The following ME3 variants were observed in gnomAD, a reference collection of about 807,000 sequenced individuals.
ME3 encodes the protein malic enzyme 3, also known as NADP-dependent malic enzyme, mitochondrial.
Under a neutral mutation model 68.9 loss-of-function variants are expected in ME3, and 48 were observed. That is an observed-to-expected ratio of 0.70 (90% confidence interval 0.55 to 0.89). ME3 has a LOEUF of 0.89. Among genes scored for constraint, ME3 ranks in the 40% least tolerant of loss-of-function variants. The pLI, the probability that ME3 is intolerant of heterozygous loss-of-function variation, is 0.00. For synonymous variants in ME3, 320 were observed against 318.8 expected, an observed-to-expected ratio of 1.00 and a Z score of -0.04; for missense variants, 675 against 797.4, an observed-to-expected ratio of 0.85 and a Z score of 1.85.
At chr11:86,600,923 T>C (rs1960531314) in intron 2 of ME3, among the ~76,000 whole-genome samples, 3 of 150,138 alleles carry the variant, frequency 2.0e-5, no homozygotes, top group Admixed American at 6.6e-5. Context: ...AGACACAACA[T>C]ACCAGAATCT....
Position 86,509,010 on chromosome 11 carries a change from T to C in ME3, c.468-143A>G, listed in dbSNP as rs773304752. 9.4e-5 allele frequency: 62 copies of C among 660,986 alleles called. No homozygotes were observed. In the Middle Eastern group the frequency reaches 1.0e-3, roughly 11 times the overall value. The allele number at this position is 660,986 out of a possible 1,614,324, so 40.9% of individuals were successfully genotyped here. Reference sequence around the variant, plus strand: ...AGATTCCTGCCCGAGGCCCCAGCAGTTTAGAGGGTCATCCTCTGGCTTTCT... The same window carrying C: ...AGATTCCTGCCCGAGGCCCCAGCAGCTTAGAGGGTCATCCTCTGGCTTTCT... On this transcript the variant is annotated intron_variant, in intron 4 of 14. Coordinates refer to ENST00000543262, the Ensembl canonical transcript of ME3.
chr11:86,659,784 G>A (rs1365405692), intron 2 of ME3, among the ~76,000 whole-genome samples: 1 of 152,132 alleles, frequency 6.6e-6, no homozygotes, highest in Non-Finnish European at 1.5e-5. Flanking sequence ...CTCACTATCA[G>A]AATCTCATGA....
At chr11:86,475,872 T>TAGAGAGAGAGAG (rs1317802075) in intron 7 of ME3, among the ~76,000 whole-genome samples, 40 of 103,718 alleles carry the variant, frequency 3.9e-4, no homozygotes, top group Non-Finnish European at 6.3e-4. Context: ...TATATATATA[T>TAGAGAGAGAGAG]ATAGAGAGAG....
chr11:86,465,052 T>C (rs1950409277), intron 8 of ME3, 39 bp downstream of exon 8: 1 of 1,496,896 alleles, frequency 6.7e-7, no homozygotes, highest in Admixed American at 1.7e-5. Flanking sequence ...GAATATAAGT[T>C]AGTCCCCTGT....
intron 4 of ME3, among the ~76,000 whole-genome samples, chr11:86,536,161 A>C (rs531094365): frequency 6.6e-6 from 1 of 152,344 alleles, no homozygotes; most frequent in East Asian, 1.9e-4. Context: ...GGCACTTGGC[A>C]GCATTGTATT....
rs925368086 is a variant in ME3, at chr11:86,600,607, A to G, written c.184-40784T>C. Among the ~76,000 whole-genome samples the G allele has an allele frequency of 1.9e-3, 284 of 151,646 alleles. 2 individuals carry two copies. The highest frequency in any genetic ancestry group is 6.8e-3 in the Middle Eastern group (2 of 294). On this transcript the variant is annotated intron_variant, in intron 2 of 14. Coordinates refer to ENST00000543262, the Ensembl canonical transcript of ME3. ...CAGCTCTGCACCAAGCGGACCTAATAGACATCTACAGAACTCTCCACCCCA... is the reference window on the plus strand; with the variant it reads ...CAGCTCTGCACCAAGCGGACCTAATGGACATCTACAGAACTCTCCACCCCA...
At chr11:86,565,813 T>C (rs1316568787) in intron 2 of ME3, among the ~76,000 whole-genome samples, 2 of 152,222 alleles carry the variant, frequency 1.3e-5, no homozygotes, top group Non-Finnish European at 2.9e-5. Context: ...CATTTTCTAG[T>C]TTGAATGCTG....
chr11:86,626,874 A>G (rs1943697905), intron 2 of ME3, among the ~76,000 whole-genome samples: 1 of 152,152 alleles, frequency 6.6e-6, no homozygotes, highest in South Asian at 2.1e-4. Flanking sequence ...CATTCATTAT[A>G]TTATATCCCC....
chr11:86,660,286 G>A (rs1946189690), intron 2 of ME3, among the ~76,000 whole-genome samples: 1 of 152,270 alleles, frequency 6.6e-6, no homozygotes. Context: ...ATGCTTTCAG[G>A]GGGCATGTAC....
At chr11:86,637,349 C>CAAAAAAAAAAAAAAAAAAAAAAAAAAAAA (rs11402713) in intron 2 of ME3, among the ~76,000 whole-genome samples, 1 of 122,070 alleles carries the variant, frequency 8.2e-6, no homozygotes, top group Non-Finnish European at 1.7e-5. Context: ...ACAAGAAGCA[C>CAAAAAAAAAAAAAAAAAAAAAAAAAAAAA]AAAAAAAAAA....
chr11:86,592,858 G>A (rs779466437), intron 2 of ME3, among the ~76,000 whole-genome samples: 7 of 152,096 alleles, frequency 4.6e-5, no homozygotes, highest in Non-Finnish European at 8.8e-5. Context: ...TTCAGAAAGG[G>A]GCACAGTGAT....
At chr11:86,486,233 C>T (rs1951680061) in intron 7 of ME3, among the ~76,000 whole-genome samples, 1 of 152,196 alleles carries the variant, frequency 6.6e-6, no homozygotes, top group Non-Finnish European at 1.5e-5. Flanking sequence ...TCCCCCCATC[C>T]TACAGTCCAT....
chr11:86,457,571 G>A (rs969548420), intron 8 of ME3: 1 of 1,173,480 alleles, frequency 8.5e-7, no homozygotes. Context: ...GGCAAATAAA[G>A]TTATCTCCAT....
chr11:86,508,795 A>G lies in ME3; in HGVS notation c.540T>C (p.Ile180=), dbSNP rs758495453. Reference sequence around the variant, plus strand: ...AGCAATGAAAACGGGATCATACCTTAATATTGTCTTCTGGCCAAGAATTCA... The same window carrying G: ...AGCAATGAAAACGGGATCATACCTTGATATTGTCTTCTGGCCAAGAATTCA... The change falls in exon 5 of 15, where the codon ATT becomes ATC. Residue 180 remains isoleucine, a synonymous_variant. Transcript: ENST00000543262. 20 of 1,609,754 alleles carry G rather than the reference A, an allele frequency of 1.2e-5. No homozygotes were observed. The African/African-American group carries it at 1.5e-4, about 12-fold the overall frequency.
chr11:86,596,525 C>T (rs905390327), intron 2 of ME3, among the ~76,000 whole-genome samples: 1 of 152,148 alleles, frequency 6.6e-6, no homozygotes, highest in Non-Finnish European at 1.5e-5. Context: ...CAAAATTCTG[C>T]CAAAATTACT....
intron 3 of ME3, among the ~76,000 whole-genome samples, chr11:86,557,410 AC>A (rs1565948867): frequency 1.3e-5 from 2 of 152,196 alleles, no homozygotes; most frequent in Non-Finnish European, 2.9e-5. Context: ...TAATATCACA[AC>A]CTTTCTGGAT....
intron 8 of ME3, chr11:86,457,662 A>G (rs1950012784): frequency 1.6e-6 from 2 of 1,285,396 alleles, no homozygotes; most frequent in Non-Finnish European, 2.0e-6. Flanking sequence ...AGCTGTTTCG[A>G]GGTAACCACT....
At chr11:86,490,537 C>A (rs1181098376) in intron 6 of ME3, among the ~76,000 whole-genome samples, 3 of 152,098 alleles carry the variant, frequency 2.0e-5, no homozygotes, top group Non-Finnish European at 2.9e-5. Flanking sequence ...AATAGCTAGG[C>A]AGTAATTAAA....
rs540741413 is a variant in ME3, at chr11:86,523,652, T to C, written c.468-14785A>G. Among the ~76,000 whole-genome samples, 6 of 152,278 alleles carry C rather than the reference T, an allele frequency of 3.9e-5. No homozygotes were observed. The East Asian group carries it at 9.6e-4, about 24-fold the overall frequency. On this transcript the variant is annotated intron_variant, in intron 4 of 14. Transcript: ENST00000543262. The stretch of plus-strand genomic sequence containing the variant: ...AGTTTCTCCATCTGTTCTTCTTGAA[T>C]AAGAAGAATGCTGATAAGGTGTGCA...
Sources: allele counts gnomAD v4.1 joint callset (sites outside exome capture counted in the v4.1 genomes callset), GRCh38; gene constraint gnomAD v4.1.1; transcripts MANE v1.5; gene names NCBI Gene and HGNC (gene_info 2026-07-23, HGNC 2026-07-21).